CEMIP: variants seen among roughly 807,000 people sequenced by gnomAD.
CEMIP encodes the protein cell migration-inducing and hyaluronan-binding protein.
In CEMIP, 105 loss-of-function variants were observed where a neutral mutation model predicts 156.9. The observed-to-expected ratio is 0.67, with a 90% CI of 0.57 to 0.79. The LOEUF (loss-of-function observed/expected upper bound fraction) is 0.79, where lower values mean the gene tolerates loss of function less well. Ranked by LOEUF, CEMIP falls within the 30% of genes least tolerant of loss-of-function variation. CEMIP has a pLI of 0.00. For missense variants in CEMIP, 1,457 were observed against 1,769.4 expected, an observed-to-expected ratio of 0.82 and a Z score of 3.17; for synonymous variants, 676 against 668.4, an observed-to-expected ratio of 1.01 and a Z score of -0.17.
chr15:80,881,874 C>T (rs911061469), intron 6 of CEMIP, among the ~76,000 whole-genome samples: 1 of 152,070 alleles, frequency 6.6e-6, no homozygotes, highest in African/African-American at 2.4e-5. Context: ...TGATGAGGAC[C>T]CAGAAGGAAC....
Position 80,863,746 on chromosome 15 carries a change from C to T in CEMIP, c.-175-9792C>T, listed in dbSNP as rs369219031. Among the ~76,000 whole-genome samples the T allele has an allele frequency of 2.0e-3, 299 of 152,262 alleles. 4 individuals carry two copies. In the South Asian group the frequency reaches 0.03, roughly 16 times the overall value. ...GGCCTTTGGGGGCCCGGAGGAAGTTCGTGGGACTAAGAATAGATCTGCTCC... is the reference window on the plus strand; with the variant it reads ...GGCCTTTGGGGGCCCGGAGGAAGTTTGTGGGACTAAGAATAGATCTGCTCC... On this transcript the variant is annotated intron_variant, in intron 1 of 29. Coordinates refer to ENST00000394685, the MANE Select transcript of CEMIP (RefSeq NM_001293298.2).
intron 12 of CEMIP, among the ~76,000 whole-genome samples, chr15:80,905,187 G>C (rs1355468456): frequency 6.6e-6 from 1 of 152,220 alleles, no homozygotes; most frequent in Non-Finnish European, 1.5e-5. Flanking sequence ...GTGTCTGGGG[G>C]CTGAGGCCAG....
chr15:80,881,140 A>G lies in CEMIP; in HGVS notation c.617+4A>G, dbSNP rs1477831660. The G allele has an allele frequency of 6.2e-7, 1 of 1,612,508 alleles. No individual in the cohort carries two copies. Among genetic ancestry groups the G allele is most frequent in the African/African-American group, 1.3e-5 (1 of 74,888 alleles). The stretch of plus-strand genomic sequence containing the variant: ...GCACAGTCATCCATTCTGACCGGTA[A>G]GGTTTGCCTTCACTTAAACGTATAC... On this transcript the variant is annotated splice_donor_region_variant and intron_variant, in intron 6 of 29. Coordinates refer to ENST00000394685, the MANE Select transcript of CEMIP (RefSeq NM_001293298.2).
intron 17 of CEMIP, 135 bp downstream of exon 17, chr15:80,922,272 T>A: frequency 8.3e-7 from 1 of 1,209,758 alleles, no homozygotes; most frequent in Non-Finnish European, 1.2e-6. Context: ...TCGAAGAAAA[T>A]GGAGCAGCCT....
chr15:80,899,670 G>A (rs371251561), intron 12 of CEMIP, among the ~76,000 whole-genome samples: 1 of 152,268 alleles, frequency 6.6e-6, no homozygotes, highest in East Asian at 1.9e-4. Context: ...AGGGGCCATG[G>A]TGCAGTTAAG....
intron 1 of CEMIP, among the ~76,000 whole-genome samples, chr15:80,828,172 G>T (rs1470531550): frequency 6.6e-6 from 1 of 152,026 alleles, no homozygotes; most frequent in South Asian, 2.1e-4. Context: ...TGAGGTCAGG[G>T]GTTCGAGACC....
At chr15:80,833,027 T>C (rs1897191328) in intron 1 of CEMIP, among the ~76,000 whole-genome samples, 1 of 152,144 alleles carries the variant, frequency 6.6e-6, no homozygotes, top group Non-Finnish European at 1.5e-5. Context: ...GAGACCCCAG[T>C]GGAAGGCACA....
chr15:80,910,483 A>G (rs1236573470), intron 14 of CEMIP, among the ~76,000 whole-genome samples: 3 of 152,262 alleles, frequency 2.0e-5, no homozygotes, highest in Non-Finnish European at 4.4e-5. Flanking sequence ...GTTATGGGAA[A>G]ATGAGGAGGC....
At position 80,914,954 on chromosome 15, in the gene CEMIP, G is replaced by A. The variant is rs535897287; in HGVS notation, c.1798-5140G>A. On this transcript the variant is annotated intron_variant, in intron 14 of 29. Coordinates refer to ENST00000394685, the MANE Select transcript of CEMIP (RefSeq NM_001293298.2). ...AGGGGGAGTGCTGATTGGTGGGGTC[G>A]GATATGAAATCATAGGGAGTCAAAG... 7.9e-5 allele frequency among the ~76,000 whole-genome samples: 12 copies of A among 152,196 alleles called. No homozygotes were observed. In the South Asian group the frequency reaches 1.7e-3, roughly 21 times the overall value.
At chr15:80,811,002 C>T (rs185418378) in intron 1 of CEMIP, among the ~76,000 whole-genome samples, 204 of 152,316 alleles carry the variant, frequency 1.3e-3, no homozygotes, top group Admixed American at 4.1e-3. Context: ...ACGCAGACAT[C>T]ATGCTTCTCA....
intron 27 of CEMIP, 114 bp downstream of exon 27, chr15:80,942,451 G>A: frequency 7.6e-6 from 7 of 915,154 alleles, no homozygotes. Flanking sequence ...TGGCAGGGGT[G>A]GTTTCCTCCA....
rs1555429057 is a variant in CEMIP, at chr15:80,832,322, C to CTCTCTGTG, written c.-175-41215_-175-41214insCTCTGTGT. On this transcript the variant is annotated intron_variant, in intron 1 of 29. Transcript: ENST00000394685. ...CTGGAGCTTTGGTTTAAAATAAACT[C>CTCTCTGTG]TGTGTGTGTGTGTGTGTGTGTGTGT... Among the ~76,000 whole-genome samples, 192 of 128,106 alleles carry CTCTCTGTG rather than the reference C, an allele frequency of 1.5e-3. 2 individuals carry two copies. The highest frequency in any genetic ancestry group is 0.01 in the South Asian group (37 of 3,592). 84.0% of individuals were successfully genotyped at this position (128,106 alleles called of 152,430 possible).
At chr15:80,838,765 C>G (rs539328289) in intron 1 of CEMIP, among the ~76,000 whole-genome samples, 1 of 152,268 alleles carries the variant, frequency 6.6e-6, no homozygotes, top group South Asian at 2.1e-4. Context: ...GTTCTCTCTT[C>G]AGAAGTATAA....
chr15:80,849,347 C>T (rs1413803416), intron 1 of CEMIP, among the ~76,000 whole-genome samples: 1 of 151,854 alleles, frequency 6.6e-6, no homozygotes, highest in Non-Finnish European at 1.5e-5. Flanking sequence ...TATGCAACTG[C>T]CCACTGAGCC....
At chr15:80,895,155 A>G (rs757858147) in intron 11 of CEMIP, 33 bp downstream of exon 11, 1 of 1,613,878 alleles carries the variant, frequency 6.2e-7, no homozygotes, top group East Asian at 2.2e-5. Flanking sequence ...CACAGATGCA[A>G]CTATGGCTCG....
At chr15:80,921,490 T>C (rs1459430840) in intron 16 of CEMIP, among the ~76,000 whole-genome samples, 2 of 152,126 alleles carry the variant, frequency 1.3e-5, no homozygotes, top group Non-Finnish European at 2.9e-5. Context: ...CCCCATCTGA[T>C]GGGGGAGGAA....
Position 80,878,872 on chromosome 15 carries a change from G to A in CEMIP, c.241+5G>A. On this transcript the variant is annotated splice_donor_5th_base_variant and intron_variant, in intron 4 of 29. Coordinates refer to ENST00000394685, the MANE Select transcript of CEMIP (RefSeq NM_001293298.2). ...CCATCCACATCTCAGAGGGAGGTAA[G>A]CCAATCTCTCTCTGCTGCTCCCTCT... The A allele has an allele frequency of 1.2e-6, 2 of 1,614,158 alleles. No homozygotes were observed. Among genetic ancestry groups the A allele is most frequent in the Middle Eastern group, 1.6e-4 (1 of 6,062 alleles).
At chr15:80,839,576 C>A (rs1192056718) in intron 1 of CEMIP, among the ~76,000 whole-genome samples, 2 of 152,122 alleles carry the variant, frequency 1.3e-5, no homozygotes, top group African/African-American at 4.8e-5. Flanking sequence ...GCAACGGGGC[C>A]CTGTGCAGTG....
intron 19 of CEMIP, among the ~76,000 whole-genome samples, chr15:80,926,821 G>A (rs797012792): frequency 4.6e-5 from 5 of 108,772 alleles, no homozygotes; most frequent in Admixed American, 8.3e-5. Context: ...TGAGCGGGTG[G>A]GGGGGGGGGG....
Sources: allele counts gnomAD v4.1 joint callset (sites outside exome capture counted in the v4.1 genomes callset), GRCh38; gene constraint gnomAD v4.1.1; transcripts MANE v1.5; gene names NCBI Gene and HGNC (gene_info 2026-07-23, HGNC 2026-07-21).